Variants in PAPPA2 observed in about 807,000 individuals in gnomAD.
PAPPA2 encodes the protein pappalysin 2, also known as pappalysin-2.
In PAPPA2, 86 loss-of-function variants were observed where a neutral mutation model predicts 176.4. The observed-to-expected ratio is 0.49, with a 90% CI of 0.41 to 0.58. The LOEUF is 0.58. Among genes scored for constraint, PAPPA2 ranks in the 20% least tolerant of loss-of-function variants. The probability of loss-of-function intolerance (pLI) is 0.00; values close to 1 mark genes in which losing one functional copy is unlikely to be tolerated. For missense variants in PAPPA2, 2,073 were observed against 2,256.9 expected (o/e 0.92, Z 1.65); for synonymous variants, 809 against 852.2 (o/e 0.95, Z 0.88).
intron 17 of PAPPA2, among the ~76,000 whole-genome samples, chr1:176,777,940 A>T (rs1240352520): frequency 2.1e-4 from 32 of 151,950 alleles, no homozygotes; most frequent in Admixed American, 2.1e-3. Flanking sequence ...TGCAATAGGG[A>T]AATTTCTTCT....
At chr1:176,482,304 C>G (rs373904670) in intron 1 of PAPPA2, among the ~76,000 whole-genome samples, 1 of 152,156 alleles carries the variant, frequency 6.6e-6, no homozygotes, top group Admixed American at 6.5e-5. Flanking sequence ...AATGCAGCTG[C>G]TTTTATTAGA....
At chr1:176,566,574 A>G (rs1651994299) in intron 2 of PAPPA2, among the ~76,000 whole-genome samples, 1 of 152,198 alleles carries the variant, frequency 6.6e-6, no homozygotes, top group Non-Finnish European at 1.5e-5. Flanking sequence ...ATGGAAACCC[A>G]TGGAGACTCT....
At chr1:176,634,062 A>G (rs1395629265) in intron 3 of PAPPA2, among the ~76,000 whole-genome samples, 1 of 152,200 alleles carries the variant, frequency 6.6e-6, no homozygotes, top group Non-Finnish European at 1.5e-5. Flanking sequence ...AGAACTAGAA[A>G]TACCATTTGA....
intron 4 of PAPPA2, among the ~76,000 whole-genome samples, chr1:176,682,224 G>T (rs968037283): frequency 5.3e-5 from 8 of 152,204 alleles, no homozygotes; most frequent in African/African-American, 1.9e-4. Context: ...GAGTCTGGGT[G>T]CAGAAACCAG....
At chr1:176,768,371 A>G (rs1013011309) in intron 15 of PAPPA2, among the ~76,000 whole-genome samples, 1 of 152,148 alleles carries the variant, frequency 6.6e-6, no homozygotes, top group Admixed American at 6.5e-5. Flanking sequence ...CTGTTATACC[A>G]TCACACAGGA....
chr1:176,623,630 A>ACTTACTTTCTTTCTTT (rs1655751248), intron 3 of PAPPA2, among the ~76,000 whole-genome samples: 2 of 84,040 alleles, frequency 2.4e-5, no homozygotes, highest in African/African-American at 1.4e-4. Context: ...TTCCTTTTTT[A>ACTTACTTTCTTTCTTT]CTTTCTTTCT....
chr1:176,601,027 A>G (rs114761762), intron 3 of PAPPA2, among the ~76,000 whole-genome samples: 3 of 152,112 alleles, frequency 2.0e-5, no homozygotes, highest in Non-Finnish European at 4.4e-5. Flanking sequence ...CAAAGTTCAT[A>G]TGTTAGAAAT....
intron 3 of PAPPA2, among the ~76,000 whole-genome samples, chr1:176,610,729 ATATAGG>A (rs1654870835): frequency 6.6e-6 from 1 of 152,182 alleles, no homozygotes; most frequent in South Asian, 2.1e-4. Flanking sequence ...TCTCTTTCTA[ATATAGG>A]TTTTCACTTT....
chr1:176,524,934 C>T (rs1390341857), intron 1 of PAPPA2, among the ~76,000 whole-genome samples: 8 of 152,132 alleles, frequency 5.3e-5, no homozygotes, highest in Non-Finnish European at 7.4e-5. Context: ...CCCAGCTACT[C>T]GGGAGGCTGA....
At chr1:176,648,346 G>C (rs1446389289) in intron 3 of PAPPA2, among the ~76,000 whole-genome samples, 3 of 151,384 alleles carry the variant, frequency 2.0e-5, no homozygotes, top group African/African-American at 7.3e-5. Context: ...GGAGTCTTTT[G>C]GTTCTGCTAA....
rs546478414 is a variant in PAPPA2, at chr1:176,842,514, C to G, written c.*60C>G. On this transcript the variant is annotated 3_prime_UTR_variant, in exon 23 of 23. Transcript: ENST00000367662. ...AGGCAGTAAGAAAGAGAGGCCGACC[C>G]AGGAGGAAACAAAGGGTGAATGAAG... 2.1e-6 allele frequency: 3 copies of G among 1,424,024 alleles called. No individual in the cohort carries two copies. The highest frequency in any genetic ancestry group is 3.0e-6 in the Non-Finnish European group (3 of 1,013,494). The allele number at this position is 1,424,024 out of a possible 1,614,324, so 88.2% of individuals were successfully genotyped here.
intron 3 of PAPPA2, chr1:176,616,812 C>T: frequency 1.4e-6 from 1 of 738,862 alleles, no homozygotes; most frequent in East Asian, 3.2e-5. Flanking sequence ...AAAAAATACT[C>T]AATAGGGTTA....
At chr1:176,533,881 G>A (rs1260619819) in intron 1 of PAPPA2, among the ~76,000 whole-genome samples, 1 of 152,186 alleles carries the variant, frequency 6.6e-6, no homozygotes, top group Non-Finnish European at 1.5e-5. Flanking sequence ...TAGCTATTGA[G>A]TTCTTGAAAT....
At chr1:176,745,020 G>T (rs1393697538) in intron 14 of PAPPA2, among the ~76,000 whole-genome samples, 1 of 152,106 alleles carries the variant, frequency 6.6e-6, no homozygotes, top group South Asian at 2.1e-4. Flanking sequence ...ACCACCTGTG[G>T]CAATTTTCAC....
At chr1:176,755,673 C>A (rs1401922747) in intron 14 of PAPPA2, among the ~76,000 whole-genome samples, 3 of 152,110 alleles carry the variant, frequency 2.0e-5, no homozygotes, top group African/African-American at 7.2e-5. Flanking sequence ...ACTGCCTTTG[C>A]AAATCATGTG....
Position 176,612,230 on chromosome 1 carries a change from C to A in PAPPA2, c.1991+16635C>A, listed in dbSNP as rs564355505. Among the ~76,000 whole-genome samples, 10 of 152,086 alleles carry A rather than the reference C, an allele frequency of 6.6e-5. No homozygotes were observed. In the South Asian group the frequency reaches 1.9e-3, roughly 28 times the overall value. On this transcript the variant is annotated intron_variant, in intron 3 of 22. Coordinates refer to ENST00000367662, the MANE Select transcript of PAPPA2 (RefSeq NM_020318.3). ...CCAATATGGTGGAACCCCGTCTCTG[C>A]TAAAAATCCAAAACTTAGCTGGGCG... is the stretch of plus-strand genomic sequence containing the variant.
At chr1:176,545,276 C>A (rs1258273983) in intron 1 of PAPPA2, among the ~76,000 whole-genome samples, 1 of 152,038 alleles carries the variant, frequency 6.6e-6, no homozygotes, top group African/African-American at 2.4e-5. Context: ...ATGCTCCTTT[C>A]ACCTTTGTCT....
chr1:176,741,923 C>T (rs1662697817), intron 14 of PAPPA2, among the ~76,000 whole-genome samples: 1 of 152,126 alleles, frequency 6.6e-6, no homozygotes, highest in Admixed American at 6.6e-5. Context: ...GCATTTCTTT[C>T]AGGTCCCTGA....
intron 2 of PAPPA2, among the ~76,000 whole-genome samples, chr1:176,593,649 A>C (rs567787278): frequency 6.6e-6 from 1 of 152,304 alleles, no homozygotes; most frequent in Non-Finnish European, 1.5e-5. Context: ...CAACTTATTA[A>C]TGATCTAGCT....
Sources: gnomAD v4.1 joint callset for allele counts (sites outside exome capture counted in the v4.1 genomes callset) on GRCh38, gnomAD v4.1.1 for gene constraint, MANE v1.5 for transcripts, NCBI Gene and HGNC (gene_info 2026-07-23, HGNC 2026-07-21) for gene names.